The following AR variants were observed in gnomAD, a reference collection of about 807,000 sequenced individuals.
The protein encoded by AR is androgen receptor, also known as dihydrotestosterone receptor.
Under a neutral mutation model 53.9 loss-of-function variants are expected in AR, and 8 were observed. The ratio of observed to expected loss-of-function variants is 0.15; its 90% CI spans 0.09 to 0.27. AR has a LOEUF of 0.27. Ranked by LOEUF, AR falls within the 10% of genes least tolerant of loss-of-function variation. The probability of loss-of-function intolerance (pLI) is 1.00; values close to 1 mark genes in which losing one functional copy is unlikely to be tolerated. For missense variants in AR, 639 were observed against 742.5 expected (o/e 0.86, Z 1.62); for synonymous variants, 359 against 316.4 (o/e 1.13, Z -1.43).
At chrX:67,698,636 A>G (rs1383489201) in intron 3 of AR, among the ~76,000 whole-genome samples, 2 of 112,606 alleles carry the variant, frequency 1.8e-5, no homozygotes, top group African/African-American at 6.4e-5. Flanking sequence ...CCTACACCAA[A>G]CACACCTTTA....
chrX:67,688,445 A>G (rs927524298), intron 3 of AR, among the ~76,000 whole-genome samples: 3 of 111,616 alleles, frequency 2.7e-5, no homozygotes, highest in African/African-American at 9.8e-5. Flanking sequence ...CTAGACAAAT[A>G]TGGGGGCTTA....
chrX:67,602,468 C>G (rs192504647), intron 1 of AR, among the ~76,000 whole-genome samples: 1 of 112,354 alleles, frequency 8.9e-6, no homozygotes, highest in Non-Finnish European at 1.9e-5. Flanking sequence ...ACCAATCACA[C>G]AAGCCATTTG....
intron 2 of AR, chrX:67,680,828 A>T (rs2075929155): frequency 3.1e-6 from 1 of 322,507 alleles, no homozygotes; most frequent in Admixed American, 3.2e-5. Context: ...AATAGGAAGA[A>T]ATCCTACAGA....
At position 67,623,524 on chromosome X, in the gene AR, G is replaced by A. The variant is rs771324475; in HGVS notation, c.1617-19732G>A. On this transcript the variant is annotated intron_variant, in intron 1 of 7. Coordinates refer to ENST00000374690, the MANE Select transcript of AR (RefSeq NM_000044.6). ...TACTTAAAGGGAAATTTGTAACTGC[G>A]AAGGCCTATATCAACAAAGACAAAT... 8.1e-5 allele frequency among the ~76,000 whole-genome samples: 9 copies of A among 111,521 alleles called. No homozygotes were observed. In the East Asian group the frequency reaches 2.0e-3, roughly 25 times the overall value.
intron 1 of AR, among the ~76,000 whole-genome samples, chrX:67,635,349 G>A (rs1299031748): frequency 9.0e-6 from 1 of 111,472 alleles, no homozygotes; most frequent in Admixed American, 9.6e-5. Flanking sequence ...AGTGGTAGAG[G>A]CAGGATTCCA....
In AR at chrX:67,643,237, G is replaced by T. The variant is rs181080818; in HGVS notation, c.1617-19G>T. 82 of 1,209,692 alleles carry T rather than the reference G, an allele frequency of 6.8e-5. No individual in the cohort carries two copies. The African/African-American group carries it at 1.2e-3, about 17-fold the overall frequency. On this transcript the variant is annotated intron_variant, in intron 1 of 7. Coordinates refer to ENST00000374690, the MANE Select transcript of AR (RefSeq NM_000044.6). Reference sequence around the variant, plus strand: ...CCATTCAGTGACATGTGTTGCATTGGTTTTTTGTGTCTTTCCAGTTTGGAG... The same window carrying T: ...CCATTCAGTGACATGTGTTGCATTGTTTTTTTGTGTCTTTCCAGTTTGGAG...
Position 67,725,344 on chromosome X carries a change from G to T in AR, c.*1503G>T, listed in dbSNP as rs181229764. ...GGCATCAAAGGGATCAGGCAAGCTGGGCGTCTTGCCCTTGTCCCCCAGAGA... is the reference window on the plus strand; with the variant it reads ...GGCATCAAAGGGATCAGGCAAGCTGTGCGTCTTGCCCTTGTCCCCCAGAGA... On this transcript the variant is annotated 3_prime_UTR_variant, in exon 8 of 8. Coordinates refer to ENST00000374690, the MANE Select transcript of AR (RefSeq NM_000044.6). 348 of 173,887 alleles carry T rather than the reference G, an allele frequency of 2.0e-3. 2 individuals are homozygous for T. Among genetic ancestry groups the T allele is most frequent in the African/African-American group, 9.6e-3 (325 of 33,894 alleles). The allele number at this position is 173,887 out of a possible 1,213,427, so 14.3% of individuals were successfully genotyped here.
chrX:67,649,630 T>C (rs1276480469), intron 2 of AR, among the ~76,000 whole-genome samples: 1 of 112,733 alleles, frequency 8.9e-6, no homozygotes, highest in Non-Finnish European at 1.9e-5. Context: ...TGACCAGTGA[T>C]GATAAGCTTT....
rs2147525349 is a variant in AR at position 67,711,683 on chromosome X, T to A, written c.2167T>A (p.Leu723Met). The A allele has an allele frequency of 8.3e-7, 1 of 1,203,233 alleles. No homozygotes were observed. The highest frequency in any genetic ancestry group is 1.1e-6 in the Non-Finnish European group (1 of 891,221). The change falls in exon 4 of 8, where the codon TTG (leucine) becomes ATG (methionine). Residue 723 changes from leucine to methionine, a missense_variant. Around this residue, in one of 5 missense-constraint regions of AR, gnomAD observed 95 missense variants for 196.4 expected, o/e 0.48. Coordinates refer to ENST00000374690, the MANE Select transcript of AR (RefSeq NM_000044.6). ...LVHVVKWAKA[L>M]PGFRNLHVDD... ...ACACGTGGTCAAGTGGGCCAAGGCC[T>A]TGCCTGGTAAGGAAAAGGGAAGTGG... is the stretch of plus-strand genomic sequence containing the variant.
chrX:67,546,254 G>A lies in AR; in HGVS notation c.1108G>A (p.Ala370Thr), dbSNP rs1326711596. Residue 370 changes from alanine (A) to threonine (T), a missense_variant, in exon 1 of 8, where the codon GCT (alanine) becomes ACT (threonine). Around this residue, in one of 5 missense-constraint regions of AR, gnomAD observed 423 missense variants for 377.0 expected, o/e 1.12. Coordinates refer to ENST00000374690, the MANE Select transcript of AR (RefSeq NM_000044.6). ...TCGCGACTACTACAACTTTCCACTG[G>A]CTCTGGCCGGACCGCCGCCCCCTCC... ...QSRDYYNFPL[A>T]LAGPPPPPPP... 1.7e-6 allele frequency: 2 copies of A among 1,209,232 alleles called. No individual in the cohort carries two copies. The highest frequency in any genetic ancestry group is 2.2e-6 in the Non-Finnish European group (2 of 894,526).
chrX:67,673,381 C>CTG (rs2075878626), intron 2 of AR, among the ~76,000 whole-genome samples: 1 of 107,523 alleles, frequency 9.3e-6, no homozygotes, highest in East Asian at 2.9e-4. Context: ...CTCTCTCTCT[C>CTG]TCTCTCTCTC....
chrX:67,677,303 C>A (rs1419663084), intron 2 of AR, among the ~76,000 whole-genome samples: 1 of 111,783 alleles, frequency 8.9e-6, no homozygotes, highest in African/African-American at 3.3e-5. Flanking sequence ...TTACAGAAAG[C>A]TTTATTGGCC....
At chrX:67,661,237 C>T (rs1926895213) in intron 2 of AR, among the ~76,000 whole-genome samples, 1 of 110,975 alleles carries the variant, frequency 9.0e-6, no homozygotes, top group South Asian at 3.9e-4. Flanking sequence ...CTGGCCAGAA[C>T]TTCCAACAGT....
chrX:67,638,203 A>G (rs1478263830), intron 1 of AR, among the ~76,000 whole-genome samples: 2 of 111,565 alleles, frequency 1.8e-5, no homozygotes, highest in Non-Finnish European at 3.8e-5. Context: ...ATGTGCCACA[A>G]TTTCTTTATC....
chrX:67,683,548 A>AT lies in AR; in HGVS notation c.1769-2461dup, dbSNP rs1364085902. Among the ~76,000 whole-genome samples the AT allele has an allele frequency of 2.7e-5, 3 of 112,610 alleles. No homozygotes were observed. The East Asian group carries it at 8.4e-4, about 32-fold the overall frequency. Reference sequence around the variant, plus strand: ...GAGGCAAAAGGTCTTGTCCAAGGTCATATAGTGAGTTAGTGATAAGGCTGA... The same window carrying AT: ...GAGGCAAAAGGTCTTGTCCAAGGTCATTATAGTGAGTTAGTGATAAGGCTGA... On this transcript the variant is annotated intron_variant, in intron 2 of 7. Coordinates refer to ENST00000374690, the MANE Select transcript of AR (RefSeq NM_000044.6).
At chrX:67,696,082 A>G (rs2076019462) in intron 3 of AR, 1 of 745,907 alleles carries the variant, frequency 1.3e-6, no homozygotes, top group Non-Finnish European at 1.6e-6. Context: ...CACCAATCGT[A>G]TTTTCTTATT....
chrX:67,722,561 G>A (rs1038762762), intron 6 of AR, among the ~76,000 whole-genome samples: 3 of 111,911 alleles, frequency 2.7e-5, no homozygotes, highest in African/African-American at 9.7e-5. Context: ...CCTAAAAAAT[G>A]AGTATCTGAG....
chrX:67,609,419 T>G (rs1602189800), intron 1 of AR, among the ~76,000 whole-genome samples: 1 of 111,370 alleles, frequency 9.0e-6, no homozygotes, highest in African/African-American at 3.3e-5. Flanking sequence ...ACATTATAAG[T>G]TTTTATTCTA....
intron 5 of AR, among the ~76,000 whole-genome samples, chrX:67,720,410 T>C (rs962077256): frequency 1.8e-5 from 2 of 110,849 alleles, no homozygotes; most frequent in Non-Finnish European, 3.8e-5. Context: ...GGAATCCTCA[T>C]TCCAGCATTG....
Sources: allele counts gnomAD v4.1 joint callset (sites outside exome capture counted in the v4.1 genomes callset), GRCh38; gene constraint gnomAD v4.1.1; regional missense constraint gnomAD v4.1.1; transcripts MANE v1.5; gene names NCBI Gene and HGNC (gene_info 2026-07-23, HGNC 2026-07-21).